The following FMN1 variants were observed in gnomAD, a reference collection of about 807,000 sequenced individuals.
FMN1 encodes formin 1.
FMN1 carries 110 observed loss-of-function variants against 132.4 expected under a neutral mutation model. The observed-to-expected ratio is 0.83, with a 90% CI of 0.71 to 0.97. FMN1 has a LOEUF of 0.97. FMN1 is among the 50% of genes least tolerant of loss of function. FMN1 has a pLI of 0.00. For missense variants in FMN1, 1,792 were observed against 1,705.3 expected (o/e 1.05, Z -0.90); for synonymous variants, 722 against 651.7 (o/e 1.11, Z -1.64).
At chr15:32,885,705 C>T (rs540227061) in intron 16 of FMN1, among the ~76,000 whole-genome samples, 2 of 152,276 alleles carry the variant, frequency 1.3e-5, no homozygotes, top group Admixed American at 1.3e-4. Flanking sequence ...GTTCTTGCCT[C>T]TCTGAAAGAT....
At chr15:32,827,803 C>A (rs535650832) in intron 17 of FMN1, among the ~76,000 whole-genome samples, 24 of 151,472 alleles carry the variant, frequency 1.6e-4, no homozygotes, top group African/African-American at 5.6e-4. Context: ...GAGATTGCGC[C>A]ACTGCACTCC....
chr15:32,788,220 A>G (rs754355656), intron 19 of FMN1, among the ~76,000 whole-genome samples: 6 of 152,256 alleles, frequency 3.9e-5, no homozygotes, highest in Admixed American at 2.6e-4. Context: ...CTTAGTAGAC[A>G]TAACACCCAG....
intron 1 of FMN1, 138 bp downstream of exon 1, chr15:33,194,440 G>C (rs1321913975): frequency 2.0e-5 from 3 of 152,312 alleles, no homozygotes; most frequent in Non-Finnish European, 4.4e-5. Flanking sequence ...AGGGGAGGAA[G>C]ATAAGCTGGC....
chr15:32,817,107 T>C (rs1201068646), intron 17 of FMN1, among the ~76,000 whole-genome samples: 1 of 152,194 alleles, frequency 6.6e-6, no homozygotes. Flanking sequence ...TCTAGATCTA[T>C]TTACACGAAA....
chr15:32,900,211 A>G, intron 13 of FMN1, 86 bp from the exon 14 acceptor site: 2 of 1,446,242 alleles, frequency 1.4e-6, no homozygotes, highest in Non-Finnish European at 1.9e-6. Flanking sequence ...TGTGTACTCA[A>G]TAGGCTGTCG....
At chr15:33,112,512 C>T (rs750933802) in intron 4 of FMN1, among the ~76,000 whole-genome samples, 1 of 152,060 alleles carries the variant, frequency 6.6e-6, no homozygotes, top group Non-Finnish European at 1.5e-5. Flanking sequence ...CTAGAGATGC[C>T]GAACCTAAGA....
At chr15:33,030,235 G>A (rs2035872596) in intron 6 of FMN1, among the ~76,000 whole-genome samples, 1 of 152,192 alleles carries the variant, frequency 6.6e-6, no homozygotes, top group African/African-American at 2.4e-5. Flanking sequence ...AGTATTAGCT[G>A]ACTGAAATGG....
chr15:33,043,998 C>T (rs2036563576), intron 6 of FMN1, among the ~76,000 whole-genome samples: 1 of 152,254 alleles, frequency 6.6e-6, no homozygotes, highest in South Asian at 2.1e-4. Context: ...TGCCTGCTCC[C>T]ACTGCCCAGC....
chr15:32,777,490 A>G (rs907752569), intron 19 of FMN1, among the ~76,000 whole-genome samples: 1 of 146,910 alleles, frequency 6.8e-6, no homozygotes, highest in Admixed American at 6.9e-5. Context: ...TTATATTTAT[A>G]TATTACGTAT....
At chr15:33,081,895 T>G (rs1011017649) in intron 5 of FMN1, among the ~76,000 whole-genome samples, 7 of 152,170 alleles carry the variant, frequency 4.6e-5, no homozygotes, top group Admixed American at 4.6e-4. Flanking sequence ...TACAATTACT[T>G]GGAACGGGAT....
intron 17 of FMN1, among the ~76,000 whole-genome samples, chr15:32,844,611 G>T (rs903545136): frequency 1.2e-4 from 19 of 152,156 alleles, no homozygotes; most frequent in African/African-American, 3.6e-4. Flanking sequence ...TAAAGTGTCT[G>T]GTCTTAACAG....
intron 7 of FMN1, among the ~76,000 whole-genome samples, chr15:33,006,640 A>G (rs1158271578): frequency 6.6e-6 from 1 of 152,250 alleles, no homozygotes; most frequent in African/African-American, 2.4e-5. Flanking sequence ...ATCAACGTTG[A>G]GTGTCCATCA....
intron 19 of FMN1, among the ~76,000 whole-genome samples, chr15:32,785,911 A>G (rs2056862204): frequency 6.6e-6 from 1 of 152,212 alleles, no homozygotes; most frequent in Admixed American, 6.5e-5. Flanking sequence ...ATCTTGGGAA[A>G]CACATGAGAT....
At chr15:33,066,243 C>T (rs534494401) in intron 5 of FMN1, among the ~76,000 whole-genome samples, 2 of 152,286 alleles carry the variant, frequency 1.3e-5, no homozygotes, top group African/African-American at 4.8e-5. Context: ...TTACCATCAA[C>T]GTTTAAATTC....
At chr15:32,810,997 G>A (rs970689666) in intron 17 of FMN1, 2 of 456,206 alleles carry the variant, frequency 4.4e-6, no homozygotes, top group Admixed American at 2.3e-5. Context: ...TCCGTCTGAT[G>A]TGAGTGTGGC....
At chr15:33,083,869 A>G (rs2038585623) in intron 5 of FMN1, among the ~76,000 whole-genome samples, 1 of 152,170 alleles carries the variant, frequency 6.6e-6, no homozygotes, top group South Asian at 2.1e-4. Flanking sequence ...CAAAACCAAG[A>G]TGGCTACAAA....
chr15:33,158,812 G>T (rs956562864), intron 3 of FMN1, among the ~76,000 whole-genome samples: 27 of 152,180 alleles, frequency 1.8e-4, no homozygotes, highest in Non-Finnish European at 2.8e-4. Flanking sequence ...ACTTAGAAAG[G>T]TCTTTCAGTA....
chr15:33,012,126 C>A, intron 6 of FMN1: 1 of 461,924 alleles, frequency 2.2e-6, no homozygotes, highest in South Asian at 2.2e-5. Context: ...GTCATGTCTG[C>A]ACATCAGAGT....
chr15:33,050,339 G>A (rs1257757578), intron 6 of FMN1, among the ~76,000 whole-genome samples: 1 of 152,068 alleles, frequency 6.6e-6, no homozygotes, highest in African/African-American at 2.4e-5. Flanking sequence ...CACCATGAAA[G>A]AAGAGTCATG....
Sources: gnomAD v4.1 joint callset for allele counts (sites outside exome capture counted in the v4.1 genomes callset) on GRCh38, gnomAD v4.1.1 for gene constraint, MANE v1.5 for transcripts, NCBI Gene and HGNC (gene_info 2026-07-23, HGNC 2026-07-21) for gene names.